SPDYA: variants seen among roughly 807,000 people sequenced by gnomAD.
SPDYA encodes speedy/RINGO cell cycle regulator family member A.
Under a neutral mutation model 36.7 loss-of-function variants are expected in SPDYA, and 11 were observed. The ratio of observed to expected loss-of-function variants is 0.30; its 90% CI spans 0.19 to 0.50. The LOEUF is 0.50. SPDYA is among the 20% of genes least tolerant of loss of function. SPDYA has a pLI of 0.98. For synonymous variants in SPDYA, 115 were observed against 118.7 expected, an observed-to-expected ratio of 0.97 and a Z score of 0.20; for missense variants, 287 against 370.9, an observed-to-expected ratio of 0.77 and a Z score of 1.86.
Position 28,816,129 on chromosome 2 carries a change from T to C in SPDYA, c.115T>C (p.Cys39Arg), listed in dbSNP as rs1667978121. Residue 39 changes from cysteine to arginine, a missense_variant, in exon 3 of 8, where the codon TGT becomes CGT. Cys to Arg is a radical substitution (Grantham distance 180). Coordinates refer to ENST00000334056, the MANE Select transcript of SPDYA (RefSeq NM_182756.4). ...KKPITLKRPI[C>R]KDNWQAFEKN... is the part of the protein sequence containing the mutation. ...GCCCATTACTCTGAAGCGTCCTATT[T>C]GTAAAGATAATTGGCAAGCATTTGA... The C allele has an allele frequency of 6.2e-7, 1 of 1,613,894 alleles. No individual in the cohort carries two copies.
rs144811322 is a variant in SPDYA at position 28,815,536 on chromosome 2, G to C, written c.-18-461G>C. Among the ~76,000 whole-genome samples, 100 of 152,040 alleles carry C rather than the reference G, an allele frequency of 6.6e-4. 3 individuals are homozygous for C. In the East Asian group the frequency reaches 0.018, roughly 27 times the overall value. ...GGTTTTGTGGGAGGGGGGGTGCTTT[G>C]TAATTTAATACTTGATAATACATTC... On this transcript the variant is annotated intron_variant, in intron 2 of 7. Transcript: ENST00000334056.
At chr2:28,824,480 AAAAAAAAAAAAC>A (rs1409331510) in intron 5 of SPDYA, among the ~76,000 whole-genome samples, 25 of 106,262 alleles carry the variant, frequency 2.4e-4, no homozygotes, top group Non-Finnish European at 4.1e-4. Context: ...TGTCAGGAGA[AAAAAAAAAAAAC>A]AAAAAAAAAA....
chr2:28,827,229 C>T (rs535305618), intron 5 of SPDYA, among the ~76,000 whole-genome samples: 6 of 152,176 alleles, frequency 3.9e-5, no homozygotes, highest in African/African-American at 1.2e-4. Context: ...CGTGAGCCAC[C>T]GAGCCGGGCC....
chr2:28,844,377 C>T (rs1031895510), intron 7 of SPDYA, among the ~76,000 whole-genome samples: 3 of 152,220 alleles, frequency 2.0e-5, no homozygotes, highest in African/African-American at 7.2e-5. Context: ...GAAAATACAG[C>T]TGGTCCTTGA....
At chr2:28,817,780 G>A (rs987760018) in intron 3 of SPDYA, among the ~76,000 whole-genome samples, 7 of 146,138 alleles carry the variant, frequency 4.8e-5, no homozygotes, top group Non-Finnish European at 9.0e-5. Context: ...GAACCTGGGA[G>A]GTGGAGGCTA....
intron 7 of SPDYA, among the ~76,000 whole-genome samples, chr2:28,849,054 AAC>A (rs1215024990): frequency 4.6e-5 from 7 of 151,994 alleles, no homozygotes; most frequent in Admixed American, 3.9e-4. Context: ...CAAAAAAAAA[AAC>A]ACACACACAC....
rs773253668 is a variant in SPDYA at position 28,819,198 on chromosome 2, T to C, written c.294+92T>C. The C allele has an allele frequency of 7.1e-6, 7 of 984,646 alleles. No homozygotes were observed. The East Asian group carries it at 1.8e-4, about 26-fold the overall frequency. 61.0% of individuals were successfully genotyped at this position (984,646 alleles called of 1,614,324 possible). A position where few individuals can be genotyped will look rare whatever the true frequency, so the allele number is the denominator to read the frequency against. On this transcript the variant is annotated intron_variant, in intron 4 of 7. Coordinates refer to ENST00000334056, the MANE Select transcript of SPDYA (RefSeq NM_182756.4). ...GAGACCTTATAAGAATTTTCTATCT[T>C]ATTAGTTATGATTAAGAAAAGAGCT...
intron 6 of SPDYA, 149 bp downstream of exon 6, chr2:28,829,468 A>G: frequency 1.4e-6 from 1 of 702,182 alleles, no homozygotes; most frequent in Non-Finnish European, 2.3e-6. Context: ...ATTACCATGA[A>G]TACAACTTGT....
chr2:28,840,151 A>G, intron 6 of SPDYA, 21 bp from the exon 7 acceptor site: 7 of 1,592,948 alleles, frequency 4.4e-6, no homozygotes, highest in Non-Finnish European at 5.1e-6. Flanking sequence ...TAAAATTCTA[A>G]AAGTTAGCTT....
intron 5 of SPDYA, among the ~76,000 whole-genome samples, chr2:28,824,380 G>A (rs529694819): frequency 2.0e-4 from 29 of 148,254 alleles, no homozygotes; most frequent in African/African-American, 7.2e-4. Flanking sequence ...GGGAGGCTGA[G>A]ATGAAGAGGA....
intron 7 of SPDYA, among the ~76,000 whole-genome samples, chr2:28,848,477 G>A (rs185488829): frequency 1.3e-5 from 2 of 152,250 alleles, no homozygotes; most frequent in East Asian, 3.9e-4. Context: ...ACTTGCTAGG[G>A]CAAAGTCCCC....
intron 1 of SPDYA, among the ~76,000 whole-genome samples, chr2:28,812,878 A>AAT (rs1553313921): frequency 3.5e-4 from 53 of 151,034 alleles, no homozygotes; most frequent in African/African-American, 1.2e-3. Context: ...AAAAAAAAAA[A>AAT]ATTAAAGGAT....
At chr2:28,814,903 A>G (rs1401996716) in intron 2 of SPDYA, among the ~76,000 whole-genome samples, 1 of 152,226 alleles carries the variant, frequency 6.6e-6, no homozygotes, top group Non-Finnish European at 1.5e-5. Context: ...TAACTGTCTC[A>G]GATTTTATTA....
At chr2:28,823,745 A>ATATATATATATATATATATATAT (rs1491479223) in intron 5 of SPDYA, among the ~76,000 whole-genome samples, 1 of 42,858 alleles carries the variant, frequency 2.3e-5, no homozygotes, top group African/African-American at 9.7e-5. Flanking sequence ...ATATATATAT[A>ATATATATATATATATATATATAT]AAATTTTTTT....
intron 5 of SPDYA, among the ~76,000 whole-genome samples, chr2:28,822,658 A>G (rs1274400103): frequency 2.6e-5 from 4 of 151,986 alleles, no homozygotes; most frequent in South Asian, 2.1e-4. Flanking sequence ...GCCAGGCTGG[A>G]GTGCAGTGGC....
chr2:28,830,527 G>A (rs1323305848), intron 6 of SPDYA, among the ~76,000 whole-genome samples: 2 of 152,002 alleles, frequency 1.3e-5, no homozygotes, highest in Non-Finnish European at 2.9e-5. Context: ...TTATTTTAGT[G>A]TATTTCTTCT....
intron 6 of SPDYA, among the ~76,000 whole-genome samples, chr2:28,831,369 A>G (rs1668476704): frequency 6.6e-6 from 1 of 152,192 alleles, no homozygotes; most frequent in East Asian, 1.9e-4. Context: ...AAAAATAAAA[A>G]TAAAAAAGGC....
At chr2:28,845,468 A>C (rs182377308) in intron 7 of SPDYA, among the ~76,000 whole-genome samples, 16 of 152,256 alleles carry the variant, frequency 1.1e-4, no homozygotes, top group Admixed American at 2.0e-4. Flanking sequence ...TGTAAGTCAA[A>C]AAGTCTCGAT....
At position 28,813,488 on chromosome 2, in the gene SPDYA, A is replaced by T. The variant is rs533993740; in HGVS notation, c.-92-1125A>T. Among the ~76,000 whole-genome samples the T allele has an allele frequency of 2.0e-5, 3 of 152,044 alleles. No individual in the cohort carries two copies. In the South Asian group the frequency reaches 6.2e-4, roughly 32 times the overall value. ...AAGCAGAATTCTTAGCCACGGTACT[A>T]TACCACTGATAACTCCATACTAGAA... is the stretch of plus-strand genomic sequence containing the variant. On this transcript the variant is annotated intron_variant, in intron 1 of 7. Coordinates refer to ENST00000334056, the MANE Select transcript of SPDYA (RefSeq NM_182756.4).
Sources: allele counts gnomAD v4.1 joint callset (sites outside exome capture counted in the v4.1 genomes callset), GRCh38; gene constraint gnomAD v4.1.1; transcripts MANE v1.5; gene names NCBI Gene and HGNC (gene_info 2026-07-23, HGNC 2026-07-21).